ATP6V1B2: variants seen among roughly 807,000 people sequenced by gnomAD.
The protein encoded by ATP6V1B2 is ATPase H+ transporting V1 subunit B2, also known as V-type proton ATPase subunit B, brain isoform.
Under a neutral mutation model 66.7 loss-of-function variants are expected in ATP6V1B2, and 23 were observed. The observed-to-expected ratio is 0.34, with a 90% CI of 0.25 to 0.49. ATP6V1B2 has a LOEUF of 0.49. Ranked by LOEUF, ATP6V1B2 falls within the 20% of genes least tolerant of loss-of-function variation. The pLI, the probability that ATP6V1B2 is intolerant of heterozygous loss-of-function variation, is 0.99. For synonymous variants in ATP6V1B2, 278 were observed against 236.7 expected, an observed-to-expected ratio of 1.17 and a Z score of -1.60; for missense variants, 478 against 650.8, an observed-to-expected ratio of 0.73 and a Z score of 2.89.
intron 8 of ATP6V1B2, 106 bp from the exon 9 acceptor site, chr8:20,212,676 A>C: frequency 6.8e-7 from 1 of 1,478,144 alleles, no homozygotes; most frequent in African/African-American, 1.4e-5. Flanking sequence ...AATTCATTTA[A>C]AACTTTAAAA....
chr8:20,211,051 A>G (rs769243122), intron 5 of ATP6V1B2, 126 bp from the exon 6 acceptor site: 6 of 1,230,166 alleles, frequency 4.9e-6, no homozygotes, highest in Non-Finnish European at 6.6e-6. Flanking sequence ...TTTGTAGTAA[A>G]GAGATGCTTT....
chr8:20,202,056 A>T (rs899307663), intron 1 of ATP6V1B2, among the ~76,000 whole-genome samples: 1 of 152,214 alleles, frequency 6.6e-6, no homozygotes, highest in African/African-American at 2.4e-5. Flanking sequence ...TTCCCCTCTT[A>T]GAGGCCTCAC....
chr8:20,206,965 A>ATG (rs1281523317), intron 2 of ATP6V1B2, among the ~76,000 whole-genome samples: 1 of 152,222 alleles, frequency 6.6e-6, no homozygotes, highest in Non-Finnish European at 1.5e-5. Context: ...AATCTGATTA[A>ATG]TGAATCAGAA....
At chr8:20,197,902 T>G (rs902578104) in intron 1 of ATP6V1B2, among the ~76,000 whole-genome samples, 7 of 152,156 alleles carry the variant, frequency 4.6e-5, no homozygotes, top group Non-Finnish European at 8.8e-5. Context: ...CTGACTTCAT[T>G]TGGATATCTA....
chr8:20,204,766 AAT>A, intron 2 of ATP6V1B2, among the ~76,000 whole-genome samples: 1 of 152,246 alleles, frequency 6.6e-6, no homozygotes, highest in East Asian at 1.9e-4. Flanking sequence ...TAATTTCCAT[AAT>A]ATGTTTTCTA....
intron 13 of ATP6V1B2, among the ~76,000 whole-genome samples, chr8:20,218,801 G>T (rs1228202814): frequency 2.0e-5 from 3 of 152,076 alleles, no homozygotes; most frequent in Non-Finnish European, 2.9e-5. Context: ...CCACTGTCCA[G>T]ACCTCTGATT....
intron 1 of ATP6V1B2, among the ~76,000 whole-genome samples, chr8:20,198,003 G>C (rs762001011): frequency 4.6e-5 from 7 of 152,218 alleles, no homozygotes; most frequent in Non-Finnish European, 7.3e-5. Flanking sequence ...TAGAGCCTTC[G>C]CTGACGTGGT....
Position 20,220,842 on chromosome 8 carries a change from T to A in ATP6V1B2, c.*440T>A, listed in dbSNP as rs2072900127. 6.5e-6 allele frequency: 1 copy of A among 153,920 alleles called. No homozygotes were observed. Among genetic ancestry groups the A allele is most frequent in the African/African-American group, 2.4e-5 (1 of 41,534 alleles). The allele number at this position is 153,920 out of a possible 1,614,324, so 9.5% of individuals were successfully genotyped here. A position where few individuals can be genotyped will look rare whatever the true frequency, so the allele number is the denominator to read the frequency against. On this transcript the variant is annotated 3_prime_UTR_variant, in exon 14 of 14. Transcript: ENST00000276390. ...CTTTGAGAAGGGCCAAGAGGCTCTTTCCTGAGTGTTTGCTTTCGGTTTGTT... is the reference window on the plus strand; with the variant it reads ...CTTTGAGAAGGGCCAAGAGGCTCTTACCTGAGTGTTTGCTTTCGGTTTGTT...
chr8:20,204,166 A>T (rs753793523), intron 1 of ATP6V1B2: 16 of 384,882 alleles, frequency 4.2e-5, no homozygotes, highest in Non-Finnish European at 6.4e-5. Flanking sequence ...ATCACATTCT[A>T]ACTCCACCCC....
Position 20,211,803 on chromosome 8 carries a change from G to A in ATP6V1B2, c.705+50G>A, listed in dbSNP as rs375143864. The A allele has an allele frequency of 9.2e-6, 13 of 1,415,668 alleles. 1 individual carries two copies. The highest frequency in any genetic ancestry group is 2.9e-5 in the African/African-American group (2 of 69,778). 87.7% of individuals were successfully genotyped at this position (1,415,668 alleles called of 1,614,324 possible). ...TGATATGTAAAATTTTGCTTGTGTC[G>A]TGAGAACATTGTAGTAAGCTGTACA... is the stretch of plus-strand genomic sequence containing the variant. On this transcript the variant is annotated intron_variant, in intron 7 of 13. Transcript: ENST00000276390.
In ATP6V1B2 at chr8:20,220,754, T is replaced by G. The variant is rs914540451; in HGVS notation, c.*352T>G. On this transcript the variant is annotated 3_prime_UTR_variant, in exon 14 of 14. Coordinates refer to ENST00000276390, the MANE Select transcript of ATP6V1B2 (RefSeq NM_001693.4). ...CTCTCAACTCCCTCAAGAGTACCAG[T>G]CTCTGAAGTTATAATGCTTTGGTCT... 3 of 167,854 alleles carry G rather than the reference T, an allele frequency of 1.8e-5. No homozygotes were observed. Among genetic ancestry groups the G allele is most frequent in the Non-Finnish European group, 3.8e-5 (3 of 79,690 alleles). The allele number at this position is 167,854 out of a possible 1,614,324, so 10.4% of individuals were successfully genotyped here.
Position 20,210,665 on chromosome 8 carries a change from T to G in ATP6V1B2, c.463+19T>G. On this transcript the variant is annotated intron_variant, in intron 5 of 13. Coordinates refer to ENST00000276390, the MANE Select transcript of ATP6V1B2 (RefSeq NM_001693.4). ...ATCATGGGTAGGTACAGTAGATGGATTGCTGTGTTTGGGAGAAAATAACCT... is the reference window on the plus strand; with the variant it reads ...ATCATGGGTAGGTACAGTAGATGGAGTGCTGTGTTTGGGAGAAAATAACCT... The G allele has an allele frequency of 6.2e-7, 1 of 1,600,310 alleles. No individual in the cohort carries two copies. Among genetic ancestry groups the G allele is most frequent in the Non-Finnish European group, 8.6e-7 (1 of 1,167,658 alleles).
intron 10 of ATP6V1B2, 159 bp downstream of exon 10, chr8:20,215,127 C>T (rs2072840276): frequency 1.2e-6 from 1 of 847,584 alleles, no homozygotes. Context: ...AAATTACCCA[C>T]AGTTATTATC....
chr8:20,204,615 T>A, intron 2 of ATP6V1B2, 76 bp downstream of exon 2: 1 of 1,318,436 alleles, frequency 7.6e-7, no homozygotes, highest in Non-Finnish European at 1.1e-6. Flanking sequence ...ATACTTTAAA[T>A]TTTTGTTATG....
rs902808312 is a variant in ATP6V1B2 at position 20,221,364 on chromosome 8, C to T, written c.*962C>T. On this transcript the variant is annotated 3_prime_UTR_variant, in exon 14 of 14. Transcript: ENST00000276390. ...CCAATTTGGTTCTGCTTTTTGACCT[C>T]TCTCTACCTTTTCAGGGTAATCTTT... 1.3e-4 allele frequency: 20 copies of T among 152,466 alleles called. No homozygotes were observed. Among genetic ancestry groups the T allele is most frequent in the Admixed American group, 1.2e-3 (19 of 15,286 alleles). The allele number at this position is 152,466 out of a possible 1,614,324, so 9.4% of individuals were successfully genotyped here. A position where few individuals can be genotyped will look rare whatever the true frequency, so the allele number is the denominator to read the frequency against.
chr8:20,204,885 C>T (rs1034417379), intron 2 of ATP6V1B2, among the ~76,000 whole-genome samples: 1 of 152,178 alleles, frequency 6.6e-6, no homozygotes, highest in African/African-American at 2.4e-5. Context: ...TGTGACCCCT[C>T]TGGAAGTAGA....
At chr8:20,204,122 A>T (rs2072714589) in intron 1 of ATP6V1B2, 1 of 413,754 alleles carries the variant, frequency 2.4e-6, no homozygotes, top group Non-Finnish European at 4.7e-6. Context: ...GCTCCCACAA[A>T]CCCTGTGCAG....
intron 2 of ATP6V1B2, among the ~76,000 whole-genome samples, chr8:20,205,442 G>T (rs2072729321): frequency 6.6e-6 from 1 of 152,130 alleles, no homozygotes; most frequent in Non-Finnish European, 1.5e-5. Context: ...GCGCTGTGAA[G>T]AGGCAGTTAG....
At chr8:20,210,671 T>A (rs1352315654) in intron 5 of ATP6V1B2, 25 bp downstream of exon 5, 4 of 1,595,582 alleles carry the variant, frequency 2.5e-6, no homozygotes, top group Non-Finnish European at 3.4e-6. Context: ...TGGATTGCTG[T>A]GTTTGGGAGA....
Sources: allele counts gnomAD v4.1 joint callset (sites outside exome capture counted in the v4.1 genomes callset), GRCh38; gene constraint gnomAD v4.1.1; transcripts MANE v1.5; gene names NCBI Gene and HGNC (gene_info 2026-07-23, HGNC 2026-07-21).